Variants in TFAP2B observed in about 807,000 individuals in gnomAD.
TFAP2B encodes transcription factor AP-2-beta.
In TFAP2B, 9 loss-of-function variants were observed where a neutral mutation model predicts 44.3. The ratio of observed to expected loss-of-function variants is 0.20; its 90% confidence interval spans 0.12 to 0.35. The LOEUF is 0.35. Among genes scored for constraint, TFAP2B ranks in the 10% least tolerant of loss-of-function variants. TFAP2B has a pLI of 1.00. For synonymous variants in TFAP2B, 270 were observed against 263.8 expected (o/e 1.02, Z -0.23); for missense variants, 509 against 600.0 (o/e 0.85, Z 1.59).
At chr6:50,828,768 T>A in intron 3 of TFAP2B, 89 bp downstream of exon 3, 1 of 1,425,202 alleles carries the variant, frequency 7.0e-7, no homozygotes, top group Non-Finnish European at 9.9e-7. Flanking sequence ...GAATTCATTA[T>A]TTGACAAGAC....
chr6:50,821,129 G>T (rs1003496103), intron 1 of TFAP2B, among the ~76,000 whole-genome samples: 3 of 152,158 alleles, frequency 2.0e-5, no homozygotes, highest in African/African-American at 7.2e-5. Flanking sequence ...CATCCAAAAA[G>T]GTTTTCTGTT....
intron 3 of TFAP2B, among the ~76,000 whole-genome samples, chr6:50,835,481 T>C (rs1762601641): frequency 6.6e-6 from 1 of 152,214 alleles, no homozygotes; most frequent in Admixed American, 6.5e-5. Flanking sequence ...TCAATGGTAT[T>C]ATTTGTCTGT....
chr6:50,821,510 C>A (rs1207284453), intron 1 of TFAP2B, among the ~76,000 whole-genome samples: 2 of 152,174 alleles, frequency 1.3e-5, no homozygotes, highest in African/African-American at 4.8e-5. Flanking sequence ...TACAACCTCC[C>A]AGCACTGTTC....
At chr6:50,821,264 A>G (rs1770338128) in intron 1 of TFAP2B, among the ~76,000 whole-genome samples, 1 of 152,248 alleles carries the variant, frequency 6.6e-6, no homozygotes, top group Admixed American at 6.5e-5. Flanking sequence ...ACAGGAATGA[A>G]AAGCCTCCAT....
chr6:50,831,987 C>G (rs1356029333), intron 3 of TFAP2B, among the ~76,000 whole-genome samples: 1 of 152,186 alleles, frequency 6.6e-6, no homozygotes, highest in Non-Finnish European at 1.5e-5. Context: ...CCCACATAAA[C>G]ACTTTGACTG....
At chr6:50,834,372 G>A (rs1433150529) in intron 3 of TFAP2B, among the ~76,000 whole-genome samples, 1 of 152,174 alleles carries the variant, frequency 6.6e-6, no homozygotes, top group Non-Finnish European at 1.5e-5. Context: ...CATCCATCTG[G>A]GACAAGGTCT....
intron 3 of TFAP2B, among the ~76,000 whole-genome samples, chr6:50,835,254 G>C (rs1172746041): frequency 6.6e-6 from 1 of 152,210 alleles, no homozygotes; most frequent in Non-Finnish European, 1.5e-5. Context: ...TAGAGTGATT[G>C]GTTGATTGAT....
chr6:50,828,011 G>C (rs549859479), intron 2 of TFAP2B, among the ~76,000 whole-genome samples: 1 of 152,308 alleles, frequency 6.6e-6, no homozygotes, highest in East Asian at 1.9e-4. Flanking sequence ...GACTGGGAGG[G>C]AGGGTAAATT....
intron 1 of TFAP2B, chr6:50,822,112 G>T: frequency 1.5e-6 from 2 of 1,302,398 alleles, no homozygotes; most frequent in Non-Finnish European, 2.0e-6. Context: ...ATTTTGAGCA[G>T]TAACCAGGCT....
At chr6:50,839,092 C>A (rs1178069206) in intron 5 of TFAP2B, among the ~76,000 whole-genome samples, 1 of 152,160 alleles carries the variant, frequency 6.6e-6, no homozygotes, top group Non-Finnish European at 1.5e-5. Context: ...AATTTCCAGA[C>A]CACACTTACT....
upstream of TFAP2B, chr6:50,818,710 T>C: frequency 3.3e-6 from 2 of 608,642 alleles, no homozygotes; most frequent in Non-Finnish European, 2.9e-6. Flanking sequence ...AACTCCTGTG[T>C]GTGCAATAAT....
At chr6:50,827,553 G>T (rs1315849051) in intron 2 of TFAP2B, among the ~76,000 whole-genome samples, 1 of 152,092 alleles carries the variant, frequency 6.6e-6, no homozygotes, top group Admixed American at 6.5e-5. Flanking sequence ...AGCATGAGTC[G>T]GTGTGAGTGC....
At position 50,822,204 on chromosome 6, in the gene TFAP2B, T is replaced by A; in HGVS notation, c.82-1203T>A. The A allele has an allele frequency of 2.4e-6, 3 of 1,272,974 alleles. No individual in the cohort carries two copies. In the South Asian group the frequency reaches 3.7e-5, roughly 16 times the overall value. The allele number at this position is 1,272,974 out of a possible 1,614,324, so 78.9% of individuals were successfully genotyped here. A position where few individuals can be genotyped will look rare whatever the true frequency, so the allele number is the denominator to read the frequency against. ...GTTACCAGAATTGCATGCTCCCTCC[T>A]CTCACTGTCTCTCTGTCTCTGCGTC... On this transcript the variant is annotated intron_variant, in intron 1 of 6. Transcript: ENST00000393655.
intron 1 of TFAP2B, among the ~76,000 whole-genome samples, chr6:50,819,266 G>T (rs1770257374): frequency 6.6e-6 from 1 of 150,960 alleles, no homozygotes; most frequent in Non-Finnish European, 1.5e-5. Flanking sequence ...CTCTGATGGG[G>T]AATGTGGTGC....
At chr6:50,819,805 C>T (rs905444098) in intron 1 of TFAP2B, among the ~76,000 whole-genome samples, 1 of 152,136 alleles carries the variant, frequency 6.6e-6, no homozygotes, top group Non-Finnish European at 1.5e-5. Context: ...CCGCTACTCG[C>T]GGGCGAGGCG....
In TFAP2B at chr6:50,845,344, T is replaced by C. The variant is rs1762824450; in HGVS notation, c.*1952T>C. The C allele has an allele frequency of 6.6e-6, 1 of 152,046 alleles. No individual in the cohort carries two copies. The highest frequency in any genetic ancestry group is 2.4e-5 in the African/African-American group (1 of 41,382). 9.4% of individuals were successfully genotyped at this position (152,046 alleles called of 1,614,324 possible). ...GGGGATTGGGGGAGTGGGGATTGCG[T>C]TGGGGTTTTAGGAATCTGCTGAGAG... On this transcript the variant is annotated 3_prime_UTR_variant, in exon 7 of 7. Coordinates refer to ENST00000393655, the MANE Select transcript of TFAP2B (RefSeq NM_003221.4).
intron 1 of TFAP2B, among the ~76,000 whole-genome samples, chr6:50,819,868 T>C (rs62405421): frequency 2.3e-5 from 2 of 87,728 alleles, no homozygotes; most frequent in African/African-American, 4.0e-5. Context: ...GCGGGCGAGG[T>C]GGGAGAGGCG....
chr6:50,831,609 G>A (rs928920520), intron 3 of TFAP2B, among the ~76,000 whole-genome samples: 4 of 152,010 alleles, frequency 2.6e-5, no homozygotes, highest in Non-Finnish European at 2.9e-5. Context: ...AAAATCCAAC[G>A]AGACATTAAA....
At position 50,843,906 on chromosome 6, in the gene TFAP2B, C is replaced by G. The variant is rs1480505055; in HGVS notation, c.*514C>G. 1 of 158,766 alleles carries G rather than the reference C, an allele frequency of 6.3e-6. No homozygotes were observed. The highest frequency in any genetic ancestry group is 1.8e-4 in the South Asian group (1 of 5,412). The allele number at this position is 158,766 out of a possible 1,614,324, so 9.8% of individuals were successfully genotyped here. A position where few individuals can be genotyped will look rare whatever the true frequency, so the allele number is the denominator to read the frequency against. On this transcript the variant is annotated 3_prime_UTR_variant, in exon 7 of 7. Transcript: ENST00000393655. ...CTCCCAACCACCCTTTTCCATGTTA[C>G]CCTCCCTTCCTCACATTGTTACGGG...
Sources: gnomAD v4.1 joint callset for allele counts (sites outside exome capture counted in the v4.1 genomes callset) on GRCh38, gnomAD v4.1.1 for gene constraint, MANE v1.5 for transcripts, NCBI Gene and HGNC (gene_info 2026-07-23, HGNC 2026-07-21) for gene names.